Variants in FAM184A observed in about 807,000 individuals in gnomAD.
FAM184A encodes protein FAM184A.
A neutral mutation model predicts 143.8 loss-of-function variants in FAM184A; 99 were observed. The ratio of observed to expected loss-of-function variants is 0.69; its 90% confidence interval spans 0.58 to 0.81. FAM184A has a LOEUF of 0.81. Among genes scored for constraint, FAM184A ranks in the 40% least tolerant of loss-of-function variants. The pLI, the probability that FAM184A is intolerant of heterozygous loss-of-function variation, is 0.00. For synonymous variants in FAM184A, 427 were observed against 446.4 expected (o/e 0.96, Z 0.55); for missense variants, 1,217 against 1,310.5 (o/e 0.93, Z 1.10).
At chr6:119,134,991 C>A (rs1485450029) in intron 1 of FAM184A, among the ~76,000 whole-genome samples, 1 of 152,168 alleles carries the variant, frequency 6.6e-6, no homozygotes, top group African/African-American at 2.4e-5. Context: ...AACTTTTGAT[C>A]CAGCAATTCC....
intron 9 of FAM184A, among the ~76,000 whole-genome samples, chr6:118,983,889 C>G (rs1404260021): frequency 6.6e-6 from 1 of 151,692 alleles, no homozygotes; most frequent in African/African-American, 2.4e-5. Flanking sequence ...TTGCTCATGC[C>G]TGTAATCCCT....
chr6:119,115,781 G>T (rs866681022), intron 1 of FAM184A, among the ~76,000 whole-genome samples: 1 of 149,684 alleles, frequency 6.7e-6, no homozygotes, highest in Non-Finnish European at 1.5e-5. Flanking sequence ...TGACCAACAT[G>T]GTGAAACCCC....
At chr6:119,018,366 T>C (rs1402772195) in intron 4 of FAM184A, among the ~76,000 whole-genome samples, 2 of 152,216 alleles carry the variant, frequency 1.3e-5, no homozygotes, top group Non-Finnish European at 2.9e-5. Flanking sequence ...CCTAGGTCTG[T>C]TGTCAAAAGC....
chr6:118,999,789 T>A (rs1784689774), intron 9 of FAM184A, among the ~76,000 whole-genome samples: 1 of 152,204 alleles, frequency 6.6e-6, no homozygotes, highest in African/African-American at 2.4e-5. Flanking sequence ...CTGCAAGTCA[T>A]CAACATGATG....
chr6:119,086,726 T>C (rs999695890), intron 1 of FAM184A, among the ~76,000 whole-genome samples: 6 of 152,168 alleles, frequency 3.9e-5, no homozygotes, highest in Non-Finnish European at 7.3e-5. Context: ...TCACGAGCCA[T>C]TGGAGGGCTT....
intron 14 of FAM184A, among the ~76,000 whole-genome samples, chr6:118,972,156 A>T (rs1387638715): frequency 6.6e-6 from 1 of 152,180 alleles, no homozygotes; most frequent in Non-Finnish European, 1.5e-5. Flanking sequence ...GGCTGCATTT[A>T]AGGATATGAA....
intron 1 of FAM184A, among the ~76,000 whole-genome samples, chr6:119,052,747 T>A (rs12526935): frequency 2.0e-5 from 3 of 152,008 alleles, no homozygotes; most frequent in Admixed American, 6.5e-5. Context: ...GAAGCAGCAC[T>A]AGCTGAAAGA....
At position 118,966,972 on chromosome 6, in the gene FAM184A, T is replaced by C; in HGVS notation, c.2916-20A>G. Reference sequence around the variant, plus strand: ...TCTAATCTGAAAACAAGAAAGACTTTAGCTCATTGATATCACTCAGATACA... The same window carrying C: ...TCTAATCTGAAAACAAGAAAGACTTCAGCTCATTGATATCACTCAGATACA... On this transcript the variant is annotated intron_variant, in intron 14 of 17. Coordinates refer to ENST00000338891, the MANE Select transcript of FAM184A (RefSeq NM_024581.6). 1 of 1,199,258 alleles carries C rather than the reference T, an allele frequency of 8.3e-7. No individual in the cohort carries two copies. The highest frequency in any genetic ancestry group is 1.2e-6 in the Non-Finnish European group (1 of 820,290). The allele number at this position is 1,199,258 out of a possible 1,614,324, so 74.3% of individuals were successfully genotyped here. A position where few individuals can be genotyped will look rare whatever the true frequency, so the allele number is the denominator to read the frequency against.
chr6:118,991,849 G>A (rs372484666), intron 9 of FAM184A, among the ~76,000 whole-genome samples: 9 of 126,794 alleles, frequency 7.1e-5, no homozygotes, highest in South Asian at 2.8e-4. Flanking sequence ...TGCAAGCTCC[G>A]CCTCCCGGGT....
At chr6:119,038,038 T>C (rs1050582560) in intron 1 of FAM184A, among the ~76,000 whole-genome samples, 2 of 151,978 alleles carry the variant, frequency 1.3e-5, no homozygotes, top group Non-Finnish European at 2.9e-5. Flanking sequence ...AAGAAGAAAT[T>C]TGACTTGTCC....
intron 1 of FAM184A, among the ~76,000 whole-genome samples, chr6:119,135,736 A>G (rs911968536): frequency 2.0e-5 from 3 of 152,178 alleles, no homozygotes; most frequent in Admixed American, 6.5e-5. Flanking sequence ...GAGAAGAGCT[A>G]AACTAGAATA....
intron 14 of FAM184A, 64 bp from the exon 15 acceptor site, chr6:118,967,016 A>G: frequency 1.4e-6 from 1 of 739,440 alleles, no homozygotes; most frequent in Non-Finnish European, 2.2e-6. Context: ...TAATACCTAC[A>G]TTAAAAAAAT....
chr6:119,114,684 G>T (rs1364719640), intron 1 of FAM184A, among the ~76,000 whole-genome samples: 1 of 152,016 alleles, frequency 6.6e-6, no homozygotes, highest in African/African-American at 2.4e-5. Flanking sequence ...TGGGACTGCA[G>T]GTATATGCCA....
At position 118,980,012 on chromosome 6, in the gene FAM184A, C is replaced by T. The variant is rs543241550; in HGVS notation, c.2301+126G>A. ...GCAGTGAGCCATGATTGTGCTGCTG[C>T]ACCTCAGCCTGGGTGACAGAGTGAG... is the stretch of plus-strand genomic sequence containing the variant. On this transcript the variant is annotated intron_variant, in intron 10 of 17. Transcript: ENST00000338891. 58 of 688,220 alleles carry T rather than the reference C, an allele frequency of 8.4e-5. 2 individuals carry two copies. The South Asian group carries it at 1.1e-3, about 13-fold the overall frequency. 42.6% of individuals were successfully genotyped at this position (688,220 alleles called of 1,614,324 possible). A position where few individuals can be genotyped will look rare whatever the true frequency, so the allele number is the denominator to read the frequency against.
chr6:119,033,690 A>C (rs533585442), intron 1 of FAM184A, among the ~76,000 whole-genome samples: 1 of 149,142 alleles, frequency 6.7e-6, no homozygotes, highest in Non-Finnish European at 1.5e-5. Flanking sequence ...AAAGAAAGAA[A>C]CTAAAGAAGT....
chr6:119,068,140 G>A (rs1193800379), intron 1 of FAM184A, among the ~76,000 whole-genome samples: 1 of 150,634 alleles, frequency 6.6e-6, no homozygotes, highest in Non-Finnish European at 1.5e-5. Flanking sequence ...TCCGCCTCCT[G>A]GGTTCAAGCA....
At chr6:119,068,448 A>G (rs534672957) in intron 1 of FAM184A, among the ~76,000 whole-genome samples, 13 of 152,304 alleles carry the variant, frequency 8.5e-5, no homozygotes, top group Non-Finnish European at 1.3e-4. Flanking sequence ...TGCATCAATT[A>G]TCTCCTTTAA....
chr6:119,067,388 A>G (rs1787496316), intron 1 of FAM184A, among the ~76,000 whole-genome samples: 1 of 152,232 alleles, frequency 6.6e-6, no homozygotes, highest in Non-Finnish European at 1.5e-5. Flanking sequence ...CTAAGAAAAC[A>G]GCAGATGCAA....
intron 17 of FAM184A, 28 bp downstream of exon 17, chr6:118,961,733 A>G: frequency 6.3e-7 from 1 of 1,578,992 alleles, no homozygotes; most frequent in African/African-American, 1.4e-5. Context: ...AAAAGAAAAG[A>G]AAAAAACATT....
Sources: gnomAD v4.1 joint callset for allele counts (sites outside exome capture counted in the v4.1 genomes callset) on GRCh38, gnomAD v4.1.1 for gene constraint, MANE v1.5 for transcripts, NCBI Gene and HGNC (gene_info 2026-07-23, HGNC 2026-07-21) for gene names.